The following CDC14A variants were observed in gnomAD, a reference collection of about 807,000 sequenced individuals.
The protein encoded by CDC14A is cell division cycle 14A.
CDC14A carries 53 observed loss-of-function variants against 74.4 expected under a neutral mutation model. That is an observed-to-expected ratio of 0.71 (90% CI 0.57 to 0.89). The LOEUF is 0.89. Ranked by LOEUF, CDC14A falls within the 40% of genes least tolerant of loss-of-function variation. CDC14A has a pLI of 0.00. For synonymous variants in CDC14A, 247 were observed against 258.4 expected (o/e 0.96, Z 0.43); for missense variants, 646 against 713.7 (o/e 0.91, Z 1.08).
At chr1:100,486,579 C>T (rs1179305912) in intron 11 of CDC14A, among the ~76,000 whole-genome samples, 1 of 152,200 alleles carries the variant, frequency 6.6e-6, no homozygotes, top group Non-Finnish European at 1.5e-5. Flanking sequence ...GGTTCATAGA[C>T]AGCACCTTCT....
chr1:100,475,842 G>T (rs1402333585), intron 10 of CDC14A, among the ~76,000 whole-genome samples: 1 of 152,168 alleles, frequency 6.6e-6, no homozygotes, highest in African/African-American at 2.4e-5. Flanking sequence ...GGACTTCCAG[G>T]TTCCACCATT....
intron 2 of CDC14A, among the ~76,000 whole-genome samples, chr1:100,365,756 T>A (rs1229557316): frequency 6.6e-6 from 1 of 152,122 alleles, no homozygotes; most frequent in African/African-American, 2.4e-5. Flanking sequence ...TCATCTGAGG[T>A]TGGTATTTGT....
At chr1:100,438,543 T>A (rs1571194003) in intron 5 of CDC14A, among the ~76,000 whole-genome samples, 1 of 152,248 alleles carries the variant, frequency 6.6e-6, no homozygotes, top group Non-Finnish European at 1.5e-5. Context: ...TTACAAGATA[T>A]TTGAAAAGGG....
chr1:100,399,943 T>A (rs956428581), intron 4 of CDC14A, among the ~76,000 whole-genome samples: 14 of 152,226 alleles, frequency 9.2e-5, no homozygotes, highest in Non-Finnish European at 1.8e-4. Context: ...TCAGTCCAAG[T>A]TTCTGTAAAA....
At chr1:100,346,649 A>G (rs1436624606) in intron 1 of CDC14A, among the ~76,000 whole-genome samples, 2 of 151,074 alleles carry the variant, frequency 1.3e-5, no homozygotes, top group East Asian at 1.9e-4. Context: ...AAAAAAAAAA[A>G]GTAGTAATGA....
At chr1:100,405,854 C>G (rs973341306) in intron 4 of CDC14A, among the ~76,000 whole-genome samples, 2 of 152,154 alleles carry the variant, frequency 1.3e-5, no homozygotes, top group African/African-American at 2.4e-5. Context: ...GTGCATGCAT[C>G]TTTGTAATAG....
chr1:100,446,362 A>G (rs1665541941), intron 7 of CDC14A, among the ~76,000 whole-genome samples: 1 of 152,178 alleles, frequency 6.6e-6, no homozygotes, highest in South Asian at 2.1e-4. Flanking sequence ...GCTACTTATA[A>G]ATGCTTCTAG....
At position 100,403,802 on chromosome 1, in the gene CDC14A, G is replaced by A. The variant is rs577449827; in HGVS notation, c.309+12978G>A. ...TTGAGAAGCCTGTAGCTAGGTCAAC[G>A]TTGTGGGCCCTGAGGAGCCAGCGCT... On this transcript the variant is annotated intron_variant, in intron 4 of 15. Transcript: ENST00000336454. Among the ~76,000 whole-genome samples, 97 of 152,174 alleles carry A rather than the reference G, an allele frequency of 6.4e-4. 2 individuals carry two copies. The highest frequency in any genetic ancestry group is 7.2e-4 in the Non-Finnish European group (49 of 68,040).
chr1:100,465,685 T>G (rs74103198), intron 9 of CDC14A, among the ~76,000 whole-genome samples: 2,915 of 152,358 alleles, frequency 0.019, 102 homozygotes, highest in African/African-American at 0.067. Context: ...GAAACCAATT[T>G]GCTGGGGATT....
chr1:100,412,770 AT>A lies in CDC14A; in HGVS notation c.310-11451del, dbSNP rs1240494091. Among the ~76,000 whole-genome samples, 2 of 95,694 alleles carry A rather than the reference AT, an allele frequency of 2.1e-5. 1 individual carries two copies. Among genetic ancestry groups the A allele is most frequent in the Non-Finnish European group, 3.8e-5 (2 of 53,304 alleles). The allele number at this position is 95,694 out of a possible 152,430, so 62.8% of individuals were successfully genotyped here. ...TATATATATTTTATATATATATATT[AT>A]ATATATATATATAGTATGTATGCAA... On this transcript the variant is annotated intron_variant, in intron 4 of 15. Coordinates refer to ENST00000336454, the MANE Select transcript of CDC14A (RefSeq NM_003672.4).
intron 11 of CDC14A, chr1:100,485,791 G>A (rs1292352476): frequency 2.0e-5 from 3 of 152,250 alleles, no homozygotes; most frequent in Non-Finnish European, 4.4e-5. Context: ...GATAGCCAGA[G>A]TGCTTGGAGA....
At position 100,477,508 on chromosome 1, in the gene CDC14A, TAAAAAGGAG is replaced by T. The variant is rs1464846282; in HGVS notation, c.978-6783_978-6775del. Among the ~76,000 whole-genome samples the T allele has an allele frequency of 2.0e-5, 3 of 151,846 alleles. No individual in the cohort carries two copies. The East Asian group carries it at 5.8e-4, about 29-fold the overall frequency. The stretch of plus-strand genomic sequence containing the variant: ...GGATGGAGATTGGAATCAGAGAGGC[TAAAAAGGAG>T]GCTATTATCATCCATCTCAGAGAGA... On this transcript the variant is annotated intron_variant, in intron 10 of 15. Transcript: ENST00000336454.
chr1:100,395,812 C>T (rs1219203194), intron 4 of CDC14A, among the ~76,000 whole-genome samples: 2 of 152,192 alleles, frequency 1.3e-5, no homozygotes, highest in African/African-American at 4.8e-5. Flanking sequence ...AGTTGCTCCC[C>T]TCATGCTGGA....
At chr1:100,469,899 G>A (rs1668223146) in intron 10 of CDC14A, among the ~76,000 whole-genome samples, 2 of 152,134 alleles carry the variant, frequency 1.3e-5, no homozygotes, top group Admixed American at 1.3e-4. Flanking sequence ...TTAGAGTTAT[G>A]AGGCAAAGGC....
Position 100,412,704 on chromosome 1 carries a change from A to ATATATATATATATATTTTT in CDC14A, c.310-11503_310-11502insTTTTTATATATATATATAT, listed in dbSNP as rs1660887375. On this transcript the variant is annotated intron_variant, in intron 4 of 15. Transcript: ENST00000336454. ...TGAACTTCCTGTATGTTTTATATAT[A>ATATATATATATATATTTTT]TATATATATATATATATATTTTATA... 4.0e-5 allele frequency among the ~76,000 whole-genome samples: 4 copies of ATATATATATATATATTTTT among 100,898 alleles called. No individual in the cohort carries two copies. The Admixed American group carries it at 4.0e-4, about 10-fold the overall frequency. The allele number at this position is 100,898 out of a possible 152,430, so 66.2% of individuals were successfully genotyped here. A position where few individuals can be genotyped will look rare whatever the true frequency, so the allele number is the denominator to read the frequency against.
In CDC14A at chr1:100,518,052, T is replaced by C. The variant is rs528085664; in HGVS notation, c.1756-199T>C. Among the ~76,000 whole-genome samples, 15 of 152,342 alleles carry C rather than the reference T, an allele frequency of 9.8e-5. No individual in the cohort carries two copies. In the East Asian group the frequency reaches 2.9e-3, roughly 29 times the overall value. ...AAACCTTTTAAAATATAAAGTTTTCTTACAATCACTTTGCGTAATTGAATA... is the reference window on the plus strand; with the variant it reads ...AAACCTTTTAAAATATAAAGTTTTCCTACAATCACTTTGCGTAATTGAATA... On this transcript the variant is annotated intron_variant, in intron 15 of 15. Coordinates refer to ENST00000336454, the MANE Select transcript of CDC14A (RefSeq NM_003672.4).
At chr1:100,477,734 A>T (rs1299196279) in intron 10 of CDC14A, among the ~76,000 whole-genome samples, 1 of 152,194 alleles carries the variant, frequency 6.6e-6, no homozygotes, top group African/African-American at 2.4e-5. Context: ...ATAAGAGGGT[A>T]AAAACGTTTT....
upstream of CDC14A, among the ~76,000 whole-genome samples, chr1:100,348,046 G>A (rs1056136483): frequency 9.9e-5 from 15 of 152,088 alleles, no homozygotes; most frequent in African/African-American, 3.4e-4. Flanking sequence ...CACTTTGGGA[G>A]GGCGAGGTGG....
intron 2 of CDC14A, among the ~76,000 whole-genome samples, chr1:100,363,833 C>G (rs1476688488): frequency 6.6e-6 from 1 of 152,176 alleles, no homozygotes; most frequent in African/African-American, 2.4e-5. Context: ...GGAAACCTTT[C>G]TAAAATGAAT....
Sources: allele counts gnomAD v4.1 joint callset (sites outside exome capture counted in the v4.1 genomes callset), GRCh38; gene constraint gnomAD v4.1.1; transcripts MANE v1.5; gene names NCBI Gene and HGNC (gene_info 2026-07-23, HGNC 2026-07-21).